Variants in PDE4D observed in about 807,000 individuals in gnomAD.
PDE4D encodes 3',5'-cyclic-AMP phosphodiesterase 4D.
A neutral mutation model predicts 87.4 loss-of-function variants in PDE4D; 24 were observed. The ratio of observed to expected loss-of-function variants is 0.27; its 90% CI spans 0.20 to 0.39. PDE4D has a LOEUF of 0.39. Ranked by LOEUF, PDE4D falls within the 10% of genes least tolerant of loss-of-function variation. The pLI, the probability that PDE4D is intolerant of heterozygous loss-of-function variation, is 1.00. For missense variants in PDE4D, 714 were observed against 1,041.0 expected (o/e 0.69, Z 4.32); for synonymous variants, 384 against 383.2 (o/e 1.00, Z -0.02).
Position 59,357,874 on chromosome 5 carries a change from T to A in PDE4D, c.456-141906A>T, listed in dbSNP as rs531495522. 3.9e-4 allele frequency among the ~76,000 whole-genome samples: 60 copies of A among 152,260 alleles called. No individual in the cohort carries two copies. The South Asian group carries it at 0.012, about 29-fold the overall frequency. ...ATTTCATCAGTCTGTATCCAAACACTGCCCCGCGGGTGACCTCAACTGTAA... is the reference window on the plus strand; with the variant it reads ...ATTTCATCAGTCTGTATCCAAACACAGCCCCGCGGGTGACCTCAACTGTAA... On this transcript the variant is annotated intron_variant, in intron 1 of 14. Transcript: ENST00000340635.
chr5:59,487,687 G>C (rs988793820), intron 1 of PDE4D, among the ~76,000 whole-genome samples: 8 of 151,848 alleles, frequency 5.3e-5, no homozygotes, highest in Non-Finnish European at 7.4e-5. Context: ...CCGGAAAGGA[G>C]GCTAAAACAA....
chr5:60,403,006 A>C (rs935311146), intron 1 of PDE4D, among the ~76,000 whole-genome samples: 1 of 152,186 alleles, frequency 6.6e-6, no homozygotes, highest in African/African-American at 2.4e-5. Context: ...ATAAAACCAG[A>C]AACCAAACCA....
rs180777670 is a variant in PDE4D, at chr5:60,198,592, G to A, written c.-89-12905C>T. 3.8e-3 allele frequency among the ~76,000 whole-genome samples: 574 copies of A among 151,678 alleles called. 11 individuals carry two copies. The highest frequency in any genetic ancestry group is 0.012 in the African/African-American group (518 of 41,478). ...CTAAATGATGAACTTACATGTCAGC[G>A]TATATAACCACTGTACCTAACTCTA... On this transcript the variant is annotated intron_variant, in intron 1 of 16. Transcript: ENST00000502484.
At position 60,337,407 on chromosome 5, in the gene PDE4D, A is replaced by G. The variant is rs185810368; in HGVS notation, c.-90+150535T>C. On this transcript the variant is annotated intron_variant, in intron 1 of 16. Coordinates refer to the PDE4D transcript ENST00000502484. The stretch of plus-strand genomic sequence containing the variant: ...TATATATACACACACACACACACAC[A>G]TATATCAATTCATAGATCAGTTGTT... Among the ~76,000 whole-genome samples, 89 of 142,520 alleles carry G rather than the reference A, an allele frequency of 6.2e-4. 2 individuals carry two copies. In the East Asian group the frequency reaches 0.016, roughly 26 times the overall value. 93.5% of individuals were successfully genotyped at this position (142,520 alleles called of 152,430 possible).
chr5:60,118,796 T>C (rs1180274239), intron 2 of PDE4D, among the ~76,000 whole-genome samples: 1 of 152,036 alleles, frequency 6.6e-6, no homozygotes, highest in Non-Finnish European at 1.5e-5. Context: ...TTTATGAAAA[T>C]GCAGCTCACT....
intron 1 of PDE4D, among the ~76,000 whole-genome samples, chr5:59,838,083 G>A (rs1208105981): frequency 6.6e-6 from 1 of 152,002 alleles, no homozygotes; most frequent in Non-Finnish European, 1.5e-5. Flanking sequence ...AGCATTGTTT[G>A]ACACTTAAAA....
At chr5:60,389,709 T>C (rs574945796) in intron 1 of PDE4D, among the ~76,000 whole-genome samples, 2 of 152,262 alleles carry the variant, frequency 1.3e-5, no homozygotes, top group South Asian at 2.1e-4. Context: ...CATACGGGCC[T>C]TTCTATGGGC....
At chr5:59,830,017 G>A (rs756148509) in intron 1 of PDE4D, among the ~76,000 whole-genome samples, 1 of 152,048 alleles carries the variant, frequency 6.6e-6, no homozygotes, top group East Asian at 1.9e-4. Flanking sequence ...GTGTCACACT[G>A]TTACTGCATG....
At chr5:60,157,202 T>A (rs925910667) in intron 2 of PDE4D, among the ~76,000 whole-genome samples, 1 of 152,208 alleles carries the variant, frequency 6.6e-6, no homozygotes, top group Non-Finnish European at 1.5e-5. Flanking sequence ...AAATACTAAT[T>A]GCTTTTACCT....
chr5:59,784,239 CTTT>C (rs34497367), intron 1 of PDE4D, among the ~76,000 whole-genome samples: 1 of 140,048 alleles, frequency 7.1e-6, no homozygotes, highest in African/African-American at 2.7e-5. Context: ...AAGTAACTTC[CTTT>C]TTTTTTTTTT....
chr5:59,097,646 T>C (rs1334215081), intron 5 of PDE4D, among the ~76,000 whole-genome samples: 5 of 152,220 alleles, frequency 3.3e-5, no homozygotes, highest in Admixed American at 1.3e-4. Flanking sequence ...CCATTCAGCA[T>C]GCACAAGAAG....
At chr5:59,095,355 T>C (rs555133246) in intron 5 of PDE4D, among the ~76,000 whole-genome samples, 4 of 151,362 alleles carry the variant, frequency 2.6e-5, no homozygotes, top group South Asian at 2.1e-4. Flanking sequence ...AACCAAAAAC[T>C]AAAAAGATGA....
At chr5:60,415,463 T>G (rs1026715975) in intron 1 of PDE4D, among the ~76,000 whole-genome samples, 1 of 151,972 alleles carries the variant, frequency 6.6e-6, no homozygotes, top group Non-Finnish European at 1.5e-5. Context: ...GAGGGAGAGG[T>G]GCAGGCGGGA....
intron 5 of PDE4D, among the ~76,000 whole-genome samples, chr5:59,143,397 T>G (rs1032684496): frequency 6.6e-6 from 1 of 152,208 alleles, no homozygotes; most frequent in Non-Finnish European, 1.5e-5. Flanking sequence ...AGTAGATGTA[T>G]AGCATGGGCA....
At chr5:60,411,391 C>T (rs1465959797) in intron 1 of PDE4D, among the ~76,000 whole-genome samples, 1 of 152,092 alleles carries the variant, frequency 6.6e-6, no homozygotes, top group Non-Finnish European at 1.5e-5. Context: ...TGGCCTTTCA[C>T]GTGTATTATT....
At position 59,931,694 on chromosome 5, in the gene PDE4D, CTTTT is replaced by C. The variant is rs35943138; in HGVS notation, c.272+56790_272+56793del. ...CTATACTGACACTTTTCTTCTTCTT[CTTTT>C]TTTTTTTTTTTTTTCTTTTTTGAGA... On this transcript the variant is annotated intron_variant, in intron 3 of 16. Coordinates refer to the PDE4D transcript ENST00000502484. Among the ~76,000 whole-genome samples the C allele has an allele frequency of 3.2e-5, 4 of 126,574 alleles. No homozygotes were observed. In the East Asian group the frequency reaches 9.2e-4, roughly 29 times the overall value. The allele number at this position is 126,574 out of a possible 152,430, so 83.0% of individuals were successfully genotyped here.
intron 1 of PDE4D, among the ~76,000 whole-genome samples, chr5:59,749,585 C>A (rs143219508): frequency 6.6e-5 from 10 of 152,232 alleles, no homozygotes; most frequent in African/African-American, 2.4e-4. Context: ...TTCATTTGGC[C>A]TCCAGATATC....
intron 5 of PDE4D, among the ~76,000 whole-genome samples, chr5:59,049,835 C>G (rs1761262089): frequency 1.3e-5 from 2 of 152,238 alleles, no homozygotes; most frequent in South Asian, 4.1e-4. Flanking sequence ...ATCGCTATCT[C>G]TGCTTTCTTC....
chr5:60,481,294 A>G (rs1230097447), intron 1 of PDE4D, among the ~76,000 whole-genome samples: 1 of 152,190 alleles, frequency 6.6e-6, no homozygotes, highest in Non-Finnish European at 1.5e-5. Context: ...ACAGAAAATT[A>G]ACAGATTTGG....
Sources: gnomAD v4.1 joint callset for allele counts (sites outside exome capture counted in the v4.1 genomes callset) on GRCh38, gnomAD v4.1.1 for gene constraint, MANE v1.5 for transcripts, NCBI Gene and HGNC (gene_info 2026-07-23, HGNC 2026-07-21) for gene names.